COL5A1: variants seen among roughly 807,000 people sequenced by gnomAD.
The protein encoded by COL5A1 is collagen type V alpha 1 chain, also known as collagen alpha-1(V) chain.
Under a neutral mutation model 263.7 loss-of-function variants are expected in COL5A1, and 16 were observed. The ratio of observed to expected loss-of-function variants is 0.06; its 90% CI spans 0.04 to 0.09. The LOEUF (loss-of-function observed/expected upper bound fraction) is 0.09. Ranked by LOEUF, COL5A1 falls within the 10% of genes least tolerant of loss-of-function variation. The probability of loss-of-function intolerance (pLI) is 1.00; values close to 1 mark genes in which losing one functional copy is unlikely to be tolerated. For synonymous variants in COL5A1, 1,012 were observed against 1,004.5 expected (o/e 1.01, Z -0.14); for missense variants, 2,036 against 2,540.5 (o/e 0.80, Z 4.27).
intron 1 of COL5A1, among the ~76,000 whole-genome samples, chr9:134,671,306 C>T (rs1178006854): frequency 1.3e-5 from 2 of 152,182 alleles, no homozygotes; most frequent in African/African-American, 4.8e-5. Context: ...AGCTCCAAGT[C>T]CTGCCCCCAG....
chr9:134,828,265 T>C (rs1279081006), intron 63 of COL5A1, among the ~76,000 whole-genome samples: 1 of 152,164 alleles, frequency 6.6e-6, no homozygotes, highest in Non-Finnish European at 1.5e-5. Context: ...GGGCCCAGCC[T>C]GTGTGTCTGC....
At chr9:134,785,696 G>A (rs1837430887) in intron 30 of COL5A1, among the ~76,000 whole-genome samples, 1 of 152,202 alleles carries the variant, frequency 6.6e-6, no homozygotes, top group Non-Finnish European at 1.5e-5. Flanking sequence ...GGATGAACAC[G>A]CTGAGTTGAG....
chr9:134,828,398 C>G (rs1316796952), intron 63 of COL5A1, among the ~76,000 whole-genome samples: 1 of 152,034 alleles, frequency 6.6e-6, no homozygotes, highest in African/African-American at 2.4e-5. Flanking sequence ...GAGGAGCAGC[C>G]CTCACCCGCA....
Position 134,842,512 on chromosome 9 carries a change from T to G in COL5A1, c.*209T>G, listed in dbSNP as rs1588622113. 4 of 638,984 alleles carry G rather than the reference T, an allele frequency of 6.3e-6. No homozygotes were observed. In the East Asian group the frequency reaches 1.1e-4, roughly 18 times the overall value. 39.6% of individuals were successfully genotyped at this position (638,984 alleles called of 1,614,324 possible). A position where few individuals can be genotyped will look rare whatever the true frequency, so the allele number is the denominator to read the frequency against. On this transcript the variant is annotated 3_prime_UTR_variant, in exon 66 of 66. Coordinates refer to ENST00000371817, the MANE Select transcript of COL5A1 (RefSeq NM_000093.5). The surrounding 1 kb of genome is among the most constrained non-coding windows in gnomAD (Gnocchi z 5.8). The stretch of plus-strand genomic sequence containing the variant: ...AGCCGCGCCCCCACCTGGAGCTGAA[T>G]CACATGACCTAGCTGCACCCCAGCG...
chr9:134,680,967 A>G lies in COL5A1; in HGVS notation c.110-9945A>G, dbSNP rs1036012279. Among the ~76,000 whole-genome samples, 1 of 152,158 alleles carries G rather than the reference A, an allele frequency of 6.6e-6. No individual in the cohort carries two copies. Among genetic ancestry groups the G allele is most frequent in the Non-Finnish European group, 1.5e-5 (1 of 68,018 alleles). On this transcript the variant is annotated intron_variant, in intron 1 of 65. Coordinates refer to ENST00000371817, the MANE Select transcript of COL5A1 (RefSeq NM_000093.5). The surrounding 1 kb of genome is among the most constrained non-coding windows in gnomAD (Gnocchi z 5.9). ...GGGGGGCAGCGGGAGAGGCCGGGCC[A>G]TCTGCCATCCTCCCAGGATGGTGTC...
In COL5A1 at chr9:134,691,014, C is replaced by T. The variant is rs779540528; in HGVS notation, c.212C>T (p.Pro71Leu). The change falls in exon 2 of 66, where the codon CCG (proline) becomes CTG (leucine). Residue 71 changes from proline (P) to leucine (L), a missense_variant. This residue lies in a region of COL5A1 where 600 missense variants were observed against 634.5 expected (regional missense o/e 0.95). Coordinates refer to ENST00000371817, the MANE Select transcript of COL5A1 (RefSeq NM_000093.5). ...FCATRRSSKG[P>L]DVAYRVTKDA... ...GCCACGCGGCGATCTTCCAAAGGCC[C>T]GGATGTCGCTTACAGAGTCACCAAA... 37 of 1,613,702 alleles carry T rather than the reference C, an allele frequency of 2.3e-5. No individual in the cohort carries two copies. Among genetic ancestry groups the T allele is most frequent in the African/African-American group, 5.3e-5 (4 of 74,960 alleles).
chr9:134,682,394 A>C lies in COL5A1; in HGVS notation c.110-8518A>C, dbSNP rs540971270. Among the ~76,000 whole-genome samples the C allele has an allele frequency of 3.9e-5, 6 of 152,286 alleles. No homozygotes were observed. The highest frequency in any genetic ancestry group is 8.8e-5 in the Non-Finnish European group (6 of 68,008). ...GCATGGGGAGGGGACTGTGCGGGTG[A>C]ACATGGGGCAGAGAGATCGGGCTGG... On this transcript the variant is annotated intron_variant, in intron 1 of 65. Coordinates refer to ENST00000371817, the MANE Select transcript of COL5A1 (RefSeq NM_000093.5). The surrounding 1 kb of genome is among the most constrained non-coding windows in gnomAD (Gnocchi z 5.1).
intron 11 of COL5A1, among the ~76,000 whole-genome samples, chr9:134,746,613 C>T (rs1300168445): frequency 6.6e-6 from 1 of 152,234 alleles, no homozygotes; most frequent in East Asian, 1.9e-4. Context: ...TGTTAGATAC[C>T]AGTGGTGCCT....
At position 134,716,983 on chromosome 9, in the gene COL5A1, G is replaced by A. The variant is rs186805773; in HGVS notation, c.655-10283G>A. Among the ~76,000 whole-genome samples the A allele has an allele frequency of 3.3e-5, 5 of 149,466 alleles. No individual in the cohort carries two copies. The highest frequency in any genetic ancestry group is 7.7e-5 in the African/African-American group (3 of 39,126). ...CACTCTCGTTAATAGTGTGAAACTCGTTCTCACAGGTGCTGTGAAAACCAT... is the reference window on the plus strand; with the variant it reads ...CACTCTCGTTAATAGTGTGAAACTCATTCTCACAGGTGCTGTGAAAACCAT... On this transcript the variant is annotated intron_variant, in intron 4 of 65. Coordinates refer to ENST00000371817, the MANE Select transcript of COL5A1 (RefSeq NM_000093.5). The surrounding 1 kb of genome is among the most constrained non-coding windows in gnomAD (Gnocchi z 4.5).
Position 134,765,220 on chromosome 9 carries a change from C to T in COL5A1, c.2035-461C>T, listed in dbSNP as rs1457969053. ...CTAGTTTCACCTGGTGCTCTCCTGC[C>T]CGCACCCTCTGACCCTGTGATATCA... On this transcript the variant is annotated intron_variant, in intron 20 of 65. Coordinates refer to ENST00000371817, the MANE Select transcript of COL5A1 (RefSeq NM_000093.5). This position sits in a 1 kb window ranked among gnomAD's most constrained non-coding sequence, Gnocchi z 5.1. Among the ~76,000 whole-genome samples, 1 of 152,170 alleles carries T rather than the reference C, an allele frequency of 6.6e-6. No individual in the cohort carries two copies. The highest frequency in any genetic ancestry group is 1.5e-5 in the Non-Finnish European group (1 of 68,018).
At chr9:134,753,780 AC>A (rs1254153789) in intron 14 of COL5A1, 69 bp from the exon 15 acceptor site, 11 of 445,084 alleles carry the variant, frequency 2.5e-5, no homozygotes, top group African/African-American at 1.1e-4. Context: ...CTCCCCTGCC[AC>A]CCCCAGCCCT....
Position 134,645,335 on chromosome 9 carries a change from C to A in COL5A1, c.109+3039C>A, listed in dbSNP as rs375669107. On this transcript the variant is annotated intron_variant, in intron 1 of 65. Coordinates refer to ENST00000371817, the MANE Select transcript of COL5A1 (RefSeq NM_000093.5). Reference sequence around the variant, plus strand: ...TCTCGCTGCCTGGCCTGTCTGCCTGCCCTGCCTCCTCCCTGGACCGCCCCA... The same window carrying A: ...TCTCGCTGCCTGGCCTGTCTGCCTGACCTGCCTCCTCCCTGGACCGCCCCA... Among the ~76,000 whole-genome samples the A allele has an allele frequency of 1.9e-3, 293 of 152,306 alleles. 1 individual carries two copies. The highest frequency in any genetic ancestry group is 6.8e-3 in the African/African-American group (282 of 41,564).
chr9:134,698,555 TC>T (rs1833563945), intron 2 of COL5A1, among the ~76,000 whole-genome samples: 4 of 152,148 alleles, frequency 2.6e-5, no homozygotes, highest in Admixed American at 2.6e-4. Flanking sequence ...AGCATTCTCC[TC>T]CCCCTTGGAA....
intron 23 of COL5A1, 30 bp downstream of exon 23, chr9:134,767,083 G>A: frequency 6.2e-7 from 1 of 1,610,648 alleles, no homozygotes; most frequent in Non-Finnish European, 8.5e-7. Flanking sequence ...GCAGCTCGCA[G>A]GGATCCGGCC....
intron 64 of COL5A1, 126 bp downstream of exon 64, chr9:134,830,170 G>T (rs1481491092): frequency 6.2e-7 from 1 of 1,610,046 alleles, no homozygotes; most frequent in Non-Finnish European, 8.5e-7. Flanking sequence ...ACAAGCGGGG[G>T]TCCCTGGTAA....
Position 134,731,683 on chromosome 9 carries a change from C to T in COL5A1, c.1332+20C>T, listed in dbSNP as rs935688642. On this transcript the variant is annotated intron_variant, in intron 8 of 65. Transcript: ENST00000371817. ...GAAGGGGTGAGAGGGTGCAGGCCCC[C>T]GTTCCGGGTGGGGTTGGGGGGCTGG... 9 of 1,600,850 alleles carry T rather than the reference C, an allele frequency of 5.6e-6. No homozygotes were observed. The highest frequency in any genetic ancestry group is 1.7e-5 in the Admixed American group (1 of 59,598).
At chr9:134,684,687 C>A (rs891543930) in intron 1 of COL5A1, among the ~76,000 whole-genome samples, 4 of 152,212 alleles carry the variant, frequency 2.6e-5, no homozygotes, top group Non-Finnish European at 4.4e-5. Flanking sequence ...TCTGGAGGAG[C>A]AGAGAAGCTG....
In COL5A1 at chr9:134,818,713, G is replaced by T. The variant is rs863223455; in HGVS notation, c.4288G>T (p.Ala1430Ser). 1.9e-6 allele frequency: 3 copies of T among 1,611,120 alleles called. No individual in the cohort carries two copies. The highest frequency in any genetic ancestry group is 3.3e-5 in the Admixed American group (2 of 59,812). ...GACTGGCCCCATCGGCCCCCAGGGG[G>T]CCCCTGGGAAGCCCGGACCGGATGG... The part of the protein sequence containing the change: ...GKTGPIGPQG[A>S]PGKPGPDGLR... Residue 1430 changes from alanine (A) to serine (S), a missense_variant, in exon 55 of 66, where the codon GCC becomes TCC. By Grantham distance (99) the Ala-to-Ser change is moderately conservative (BLOSUM62 1). Around this residue, in one of 3 missense-constraint regions of COL5A1, gnomAD observed 1,078 missense variants for 1,521.4 expected, o/e 0.71. Coordinates refer to ENST00000371817, the MANE Select transcript of COL5A1 (RefSeq NM_000093.5). This position sits in a 1 kb window ranked among gnomAD's most constrained non-coding sequence, Gnocchi z 6.0.
chr9:134,808,647 T>G (rs1412033878), intron 42 of COL5A1, among the ~76,000 whole-genome samples: 1 of 152,256 alleles, frequency 6.6e-6, no homozygotes, highest in Non-Finnish European at 1.5e-5. Flanking sequence ...CATGCATGCA[T>G]ACCTGTGTAC....
Sources: allele counts gnomAD v4.1 joint callset (sites outside exome capture counted in the v4.1 genomes callset), GRCh38; gene constraint gnomAD v4.1.1; regional missense constraint gnomAD v4.1.1; non-coding constraint Gnocchi (gnomAD v3.1); transcripts MANE v1.5; gene names NCBI Gene and HGNC (gene_info 2026-07-23, HGNC 2026-07-21).